Variants in MYO7B observed in about 807,000 individuals in gnomAD.
MYO7B encodes the protein myosin VIIB.
MYO7B carries 212 observed loss-of-function variants against 259.7 expected under a neutral mutation model. That is an observed-to-expected ratio of 0.82 (90% confidence interval 0.73 to 0.91). MYO7B has a LOEUF of 0.91. MYO7B is among the 40% of genes least tolerant of loss of function. The pLI, the probability that MYO7B is intolerant of heterozygous loss-of-function variation, is 0.00. For synonymous variants in MYO7B, 1,197 were observed against 1,166.4 expected (o/e 1.03, Z -0.54); for missense variants, 2,732 against 2,813.5 (o/e 0.97, Z 0.66).
chr2:127,564,236 CAA>C lies in MYO7B; in HGVS notation c.104_105del (p.Lys35SerfsTer4), dbSNP rs1264553771. 6.3e-7 allele frequency: 1 copy of C among 1,579,420 alleles called. No individual in the cohort carries two copies. The highest frequency in any genetic ancestry group is 1.2e-5 in the South Asian group (1 of 85,984). On this transcript the variant is annotated frameshift_variant, in exon 3 of 48. Transcript: ENST00000409816. LOFTEE classifies it high-confidence loss of function. ...GCATCATCAAAGAGGCAAAGCCAGG[CAA>C]AGTCTTGGTTGAAGATGACGAGGGC... Reference protein sequence around the residue: ...GGIIKEAKPGKVLVEDDEGKE... With the variant: ...GGIIKEAKPGXVLVEDDEGKE...
intron 18 of MYO7B, among the ~76,000 whole-genome samples, chr2:127,595,168 G>A (rs978469768): frequency 3.3e-5 from 5 of 152,028 alleles, no homozygotes; most frequent in Admixed American, 2.6e-4. Flanking sequence ...ATCTATTCAG[G>A]GATTCACCTT....
chr2:127,625,286 G>A lies in MYO7B; in HGVS notation c.4048-82G>A, dbSNP rs145594045. ...CTCCCCTGTGATGGGGCAAGAGCCC[G>A]GCCACGGGACAGGGGCATCCTGGGG... On this transcript the variant is annotated intron_variant, in intron 30 of 47. Coordinates refer to ENST00000409816, the MANE Select transcript of MYO7B (RefSeq NM_001393586.1). The A allele has an allele frequency of 4.8e-4, 668 of 1,402,382 alleles. 1 individual carries two copies. In the African/African-American group the frequency reaches 8.6e-3, roughly 18 times the overall value. 86.9% of individuals were successfully genotyped at this position (1,402,382 alleles called of 1,614,324 possible). A position where few individuals can be genotyped will look rare whatever the true frequency, so the allele number is the denominator to read the frequency against.
chr2:127,582,966 T>C (rs964080857), intron 12 of MYO7B, among the ~76,000 whole-genome samples: 5 of 152,162 alleles, frequency 3.3e-5, no homozygotes, highest in Non-Finnish European at 5.9e-5. Flanking sequence ...ATGACTGTGA[T>C]GAAGGCTGGG....
Position 127,612,340 on chromosome 2 carries a change from C to A in MYO7B, c.3270+13C>A. 7.9e-7 allele frequency: 1 copy of A among 1,265,324 alleles called. No individual in the cohort carries two copies. Among genetic ancestry groups the A allele is most frequent in the Non-Finnish European group, 1.1e-6 (1 of 899,734 alleles). 78.4% of individuals were successfully genotyped at this position (1,265,324 alleles called of 1,614,324 possible). A position where few individuals can be genotyped will look rare whatever the true frequency, so the allele number is the denominator to read the frequency against. ...GATCACAGGCCAGGTGAGCCCAGAG[C>A]ACAGAATCTCTGCTCCCAGCTGCTG... On this transcript the variant is annotated intron_variant, in intron 25 of 47. Coordinates refer to ENST00000409816, the MANE Select transcript of MYO7B (RefSeq NM_001393586.1).
At chr2:127,572,239 G>T (rs1678666036) in intron 6 of MYO7B, among the ~76,000 whole-genome samples, 1 of 151,968 alleles carries the variant, frequency 6.6e-6, no homozygotes. Flanking sequence ...GTCAACATGG[G>T]GAAACCCCAT....
chr2:127,540,671 G>C (rs1006684429), intron 1 of MYO7B, among the ~76,000 whole-genome samples: 1 of 152,186 alleles, frequency 6.6e-6, no homozygotes, highest in Admixed American at 6.5e-5. Flanking sequence ...ATGAAGTGGG[G>C]CTTCTCAAGG....
At position 127,585,210 on chromosome 2, in the gene MYO7B, T is replaced by C. The variant is rs1679255368; in HGVS notation, c.1690+297T>C. On this transcript the variant is annotated intron_variant, in intron 14 of 47. Transcript: ENST00000409816. The surrounding 1 kb of genome is among the most constrained non-coding windows in gnomAD (Gnocchi z 4.3). Reference sequence around the variant, plus strand: ...TAATGATTGCCACAATTTTAGAACTTTTTCGCCACCCCTAAAAGAAACCCC... The same window carrying C: ...TAATGATTGCCACAATTTTAGAACTCTTTCGCCACCCCTAAAAGAAACCCC... Among the ~76,000 whole-genome samples the C allele has an allele frequency of 6.6e-6, 1 of 152,106 alleles. No homozygotes were observed. Among genetic ancestry groups the C allele is most frequent in the African/African-American group, 2.4e-5 (1 of 41,414 alleles).
rs1260799383 is a variant in MYO7B at position 127,585,298 on chromosome 2, A to G, written c.1690+385A>G. 6.6e-6 allele frequency among the ~76,000 whole-genome samples: 1 copy of G among 152,058 alleles called. No homozygotes were observed. Among genetic ancestry groups the G allele is most frequent in the African/African-American group, 2.4e-5 (1 of 41,384 alleles). On this transcript the variant is annotated intron_variant, in intron 14 of 47. Transcript: ENST00000409816. This position sits in a 1 kb window ranked among gnomAD's most constrained non-coding sequence, Gnocchi z 4.3. ...CAACAATTAATTTCTGTCTCTATGG[A>G]TTTGCCTATTCTGACTTTTTGCATA... is the stretch of plus-strand genomic sequence containing the variant.
At chr2:127,620,860 G>A (rs553506309) in intron 27 of MYO7B, among the ~76,000 whole-genome samples, 1 of 152,372 alleles carries the variant, frequency 6.6e-6, no homozygotes, top group African/African-American at 2.4e-5. Flanking sequence ...TGGGTTGGCC[G>A]AGTGTTAGTG....
chr2:127,609,507 A>C lies in MYO7B; in HGVS notation c.2816A>C (p.Asp939Ala). The part of the protein sequence containing the change: ...QEGQASPHFE[D>A]LESKTQKLLE... ...CGTGTTCTCCCTCAATGGCCGTAGG[A>C]TCTGGAATCGAAGACCCAGAAGCTG... Residue 939 changes from aspartate (D) to alanine (A), a missense_variant and splice_region_variant, in exon 23 of 48, where the codon GAT becomes GCT. By Grantham distance (126) the Asp-to-Ala change is moderately radical (BLOSUM62 -2). Coordinates refer to ENST00000409816, the MANE Select transcript of MYO7B (RefSeq NM_001393586.1). The surrounding 1 kb of genome is among the most constrained non-coding windows in gnomAD (Gnocchi z 6.9). 3.7e-6 allele frequency: 6 copies of C among 1,610,840 alleles called. No homozygotes were observed. The highest frequency in any genetic ancestry group is 5.1e-6 in the Non-Finnish European group (6 of 1,178,426).
At chr2:127,538,103 T>G (rs1573596000) in intron 1 of MYO7B, among the ~76,000 whole-genome samples, 1 of 148,480 alleles carries the variant, frequency 6.7e-6, no homozygotes, top group African/African-American at 2.5e-5. Flanking sequence ...CAGGTAGGGG[T>G]GGGAAGGGAT....
intron 26 of MYO7B, among the ~76,000 whole-genome samples, chr2:127,617,029 C>T (rs1244459481): frequency 6.6e-6 from 1 of 152,154 alleles, no homozygotes; most frequent in Non-Finnish European, 1.5e-5. Context: ...GGGCTTAACC[C>T]TTGGCTTCTT....
chr2:127,576,942 T>TC lies in MYO7B; in HGVS notation c.849+238dup, dbSNP rs946009200. Among the ~76,000 whole-genome samples the TC allele has an allele frequency of 6.6e-6, 1 of 151,954 alleles. No homozygotes were observed. Among genetic ancestry groups the TC allele is most frequent in the Non-Finnish European group, 1.5e-5 (1 of 67,980 alleles). On this transcript the variant is annotated intron_variant, in intron 8 of 47. Transcript: ENST00000409816. This position sits in a 1 kb window ranked among gnomAD's most constrained non-coding sequence, Gnocchi z 4.9. Reference sequence around the variant, plus strand: ...CATGCCCCAGGCTGGACCCGGGGCCTCCCCGCAGACCTCATCTTCCTTTGG... The same window carrying TC: ...CATGCCCCAGGCTGGACCCGGGGCCTCCCCCGCAGACCTCATCTTCCTTTGG...
At position 127,576,580 on chromosome 2, in the gene MYO7B, C is replaced by T. The variant is rs752554142; in HGVS notation, c.736-15C>T. 23 of 1,490,092 alleles carry T rather than the reference C, an allele frequency of 1.5e-5. No individual in the cohort carries two copies. Among genetic ancestry groups the T allele is most frequent in the Non-Finnish European group, 1.9e-5 (20 of 1,079,686 alleles). 92.3% of individuals were successfully genotyped at this position (1,490,092 alleles called of 1,614,324 possible). On this transcript the variant is annotated splice_polypyrimidine_tract_variant and intron_variant, in intron 7 of 47. Transcript: ENST00000409816. This position sits in a 1 kb window ranked among gnomAD's most constrained non-coding sequence, Gnocchi z 4.9. ...GGCTCATGAATCTGTCTGGAATGCC[C>T]TCCCTCCCTCCCAGGCTCCCGAGGA...
chr2:127,629,601 G>C lies in MYO7B; in HGVS notation c.4625-44G>C, dbSNP rs186816483. ...CCCACAAAATTCCAGCACAGCCTCT[G>C]GCCCCTGCAGAGCCCTCAGCAAATA... On this transcript the variant is annotated intron_variant, in intron 34 of 47. Coordinates refer to ENST00000409816, the MANE Select transcript of MYO7B (RefSeq NM_001393586.1). 3 of 1,573,548 alleles carry C rather than the reference G, an allele frequency of 1.9e-6. No individual in the cohort carries two copies. The East Asian group carries it at 7.0e-5, about 36-fold the overall frequency.
intron 6 of MYO7B, among the ~76,000 whole-genome samples, chr2:127,570,898 C>A (rs893692504): frequency 2.6e-5 from 4 of 152,022 alleles, no homozygotes. Flanking sequence ...ATTTGGGATT[C>A]TTCCTTGTTG....
Position 127,621,616 on chromosome 2 carries a change from A to C in MYO7B, c.3526-366A>C, listed in dbSNP as rs1680842329. Among the ~76,000 whole-genome samples, 4 of 152,158 alleles carry C rather than the reference A, an allele frequency of 2.6e-5. No individual in the cohort carries two copies. The South Asian group carries it at 8.3e-4, about 32-fold the overall frequency. ...TTTTCTCATGGTGTCAACCTCCCAA[A>C]TGCCAGCTTGATGCCTCGCTGTTCC... On this transcript the variant is annotated intron_variant, in intron 27 of 47. Coordinates refer to ENST00000409816, the MANE Select transcript of MYO7B (RefSeq NM_001393586.1).
Position 127,585,077 on chromosome 2 carries a change from C to T in MYO7B, c.1690+164C>T, listed in dbSNP as rs377287014. On this transcript the variant is annotated intron_variant, in intron 14 of 47. Transcript: ENST00000409816. This position sits in a 1 kb window ranked among gnomAD's most constrained non-coding sequence, Gnocchi z 4.3. ...GAGAAAGAAAATGGAGTGGACCGGG[C>T]ATGTTTTGTTTTGTTTCTGGTAATA... Among the ~76,000 whole-genome samples, 3 of 152,212 alleles carry T rather than the reference C, an allele frequency of 2.0e-5. No homozygotes were observed. Among genetic ancestry groups the T allele is most frequent in the East Asian group, 3.9e-4 (2 of 5,184 alleles).
chr2:127,540,641 A>G (rs1010088558), intron 1 of MYO7B, among the ~76,000 whole-genome samples: 1 of 152,158 alleles, frequency 6.6e-6, no homozygotes, highest in African/African-American at 2.4e-5. Context: ...GGGGCATCCA[A>G]TGGGCTTTTG....
Sources: gnomAD v4.1 joint callset for allele counts (sites outside exome capture counted in the v4.1 genomes callset) on GRCh38, gnomAD v4.1.1 for gene constraint, Gnocchi (gnomAD v3.1) non-coding constraint, MANE v1.5 for transcripts, NCBI Gene and HGNC (gene_info 2026-07-23, HGNC 2026-07-21) for gene names.